Variants in RGS6 observed in about 807,000 individuals in gnomAD.
RGS6 encodes the protein regulator of G protein signaling 6, also known as regulator of G-protein signaling 6.
RGS6 carries 30 observed loss-of-function variants against 78.5 expected under a neutral mutation model. That is an observed-to-expected ratio of 0.38 (90% CI 0.29 to 0.52). The LOEUF is 0.52. RGS6 is among the 20% of genes least tolerant of loss of function. The probability of loss-of-function intolerance (pLI) is 0.85; values close to 1 mark genes in which losing one functional copy is unlikely to be tolerated. For synonymous variants in RGS6, 206 were observed against 206.0 expected (o/e 1.00, Z 0.00); for missense variants, 495 against 609.7 (o/e 0.81, Z 1.98).
rs547820668 is a variant in RGS6, at chr14:72,319,373, G to A, written c.85-32722G>A. On this transcript the variant is annotated intron_variant, in intron 2 of 17. Transcript: ENST00000553525. ...AAATTTTTTTTTTTTTTTTTGAGAC[G>A]GAGTCTCGCCCTGTTGCCCAGGCTG... Among the ~76,000 whole-genome samples, 20 of 147,722 alleles carry A rather than the reference G, an allele frequency of 1.4e-4. No homozygotes were observed. In the South Asian group the frequency reaches 3.2e-3, roughly 24 times the overall value.
chr14:72,374,254 G>A (rs1343083499), intron 3 of RGS6, among the ~76,000 whole-genome samples: 2 of 145,496 alleles, frequency 1.4e-5, no homozygotes, highest in African/African-American at 5.1e-5. Context: ...CCCACCCCAC[G>A]ACAGGCCGTG....
At position 72,301,257 on chromosome 14, in the gene RGS6, T is replaced by C. The variant is rs144046246; in HGVS notation, c.85-50838T>C. Among the ~76,000 whole-genome samples, 5 of 152,320 alleles carry C rather than the reference T, an allele frequency of 3.3e-5. No individual in the cohort carries two copies. In the East Asian group the frequency reaches 7.7e-4, roughly 24 times the overall value. On this transcript the variant is annotated intron_variant, in intron 2 of 17. Transcript: ENST00000553525. Reference sequence around the variant, plus strand: ...AATGTAAATAAATGGGAACTTTTGATTTATTTGTCATGTACTCAGATTGAT... The same window carrying C: ...AATGTAAATAAATGGGAACTTTTGACTTATTTGTCATGTACTCAGATTGAT...
intron 3 of RGS6, among the ~76,000 whole-genome samples, chr14:72,408,046 G>C (rs1566761718): frequency 6.6e-6 from 1 of 152,142 alleles, no homozygotes; most frequent in Non-Finnish European, 1.5e-5. Flanking sequence ...TGAAGGATAT[G>C]CTCCCAAAAA....
intron 13 of RGS6, among the ~76,000 whole-genome samples, chr14:72,503,532 C>T (rs2096756706): frequency 6.6e-6 from 1 of 151,804 alleles, no homozygotes. Context: ...TTCCAAACTA[C>T]AATGGTGGGA....
the RGS6 span, among the ~76,000 whole-genome samples, chr14:72,583,390 G>C: frequency 6.6e-6 from 1 of 152,250 alleles, no homozygotes. Context: ...ATGATAGACG[G>C]ATGACAGATC....
chr14:72,565,536 C>G lies in RGS6; in HGVS notation c.*3069C>G, dbSNP rs1051445538. The G allele has an allele frequency of 6.6e-6, 1 of 152,180 alleles. No individual in the cohort carries two copies. Among genetic ancestry groups the G allele is most frequent in the Non-Finnish European group, 1.5e-5 (1 of 68,046 alleles). 9.4% of individuals were successfully genotyped at this position (152,180 alleles called of 1,614,324 possible). Reference sequence around the variant, plus strand: ...CTATACCCCAGGAACAAAGCAGGGCCCAACTGCCAGTGCAGTCAGCTGGGC... The same window carrying G: ...CTATACCCCAGGAACAAAGCAGGGCGCAACTGCCAGTGCAGTCAGCTGGGC... On this transcript the variant is annotated 3_prime_UTR_variant, in exon 18 of 18. Coordinates refer to ENST00000553525, the MANE Select transcript of RGS6 (RefSeq NM_001204424.2).
At chr14:72,197,637 A>G (rs1205707818) in intron 2 of RGS6, among the ~76,000 whole-genome samples, 3 of 152,234 alleles carry the variant, frequency 2.0e-5, no homozygotes, top group African/African-American at 4.8e-5. Context: ...GGAATCAGTA[A>G]TTATTTAAAA....
chr14:71,914,948 GAGA>G, the RGS6 span, among the ~76,000 whole-genome samples: 1 of 151,858 alleles, frequency 6.6e-6, no homozygotes, highest in South Asian at 2.1e-4. Flanking sequence ...CGTTCATCTG[GAGA>G]AGACTTCAAG....
chr14:72,044,636 C>T (rs1211198590), intron 2 of RGS6, among the ~76,000 whole-genome samples: 6 of 152,064 alleles, frequency 3.9e-5, no homozygotes, highest in South Asian at 2.1e-4. Flanking sequence ...TTTGGGAGGC[C>T]GAGGCAGGCG....
At chr14:72,279,187 C>A (rs2079499) in intron 2 of RGS6, among the ~76,000 whole-genome samples, 37,581 of 151,576 alleles carry the variant, frequency 0.25, 5,409 homozygotes, top group African/African-American at 0.42. Context: ...CTGGAACCTA[C>A]AAGCAGAAGT....
chr14:72,469,196 C>T (rs903313492), intron 7 of RGS6, among the ~76,000 whole-genome samples: 2 of 145,800 alleles, frequency 1.4e-5, no homozygotes, highest in East Asian at 2.0e-4. Context: ...GTAGACACTC[C>T]GTTTGGGGCA....
intron 2 of RGS6, among the ~76,000 whole-genome samples, chr14:72,083,358 G>A (rs2094901298): frequency 6.6e-6 from 1 of 152,158 alleles, no homozygotes; most frequent in Non-Finnish European, 1.5e-5. Context: ...AGTGGGTAGA[G>A]GCCACAGACA....
chr14:71,900,444 C>A, the RGS6 span, among the ~76,000 whole-genome samples: 1 of 152,180 alleles, frequency 6.6e-6, no homozygotes, highest in African/African-American at 2.4e-5. Context: ...TCCGTGAAAT[C>A]AATTCATCTT....
intron 2 of RGS6, among the ~76,000 whole-genome samples, chr14:72,052,967 TTCTTTCTTTCTTTCTTTCTCTCTCTC>T (rs1435035215): frequency 1.1e-3 from 51 of 45,490 alleles, no homozygotes; most frequent in African/African-American, 6.5e-3. Context: ...CTTTCTTTCT[TTCTTTCTTTCTTTCTTTCTCTCTCTC>T]TCTCTCTCTC....
chr14:72,345,424 A>G (rs1042186921), intron 2 of RGS6, among the ~76,000 whole-genome samples: 5 of 152,360 alleles, frequency 3.3e-5, no homozygotes, highest in South Asian at 2.1e-4. Flanking sequence ...AAACAAATTA[A>G]TAGGCATTTT....
intron 2 of RGS6, among the ~76,000 whole-genome samples, chr14:72,322,205 G>GCTAT (rs2152520177): frequency 6.6e-6 from 1 of 152,050 alleles, no homozygotes; most frequent in African/African-American, 2.4e-5. Flanking sequence ...ATATAAGGTA[G>GCTAT]CTATGATAAT....
the RGS6 span, among the ~76,000 whole-genome samples, chr14:72,604,200 C>G: frequency 6.6e-6 from 1 of 152,144 alleles, no homozygotes; most frequent in Non-Finnish European, 1.5e-5. Flanking sequence ...AGAGTTTGCC[C>G]TAGATCTGAG....
chr14:72,413,373 A>G (rs537890604), intron 3 of RGS6, among the ~76,000 whole-genome samples: 1 of 147,180 alleles, frequency 6.8e-6, no homozygotes, highest in African/African-American at 2.6e-5. Context: ...CTGTTTTATC[A>G]GAGACTAGGA....
At chr14:72,158,875 G>A (rs1338380707) in intron 2 of RGS6, among the ~76,000 whole-genome samples, 1 of 150,808 alleles carries the variant, frequency 6.6e-6, no homozygotes, top group African/African-American at 2.4e-5. Flanking sequence ...CTTTCTGCCT[G>A]GGTTGAAATC....
Sources: allele counts gnomAD v4.1 joint callset (sites outside exome capture counted in the v4.1 genomes callset), GRCh38; gene constraint gnomAD v4.1.1; transcripts MANE v1.5; gene names NCBI Gene and HGNC (gene_info 2026-07-23, HGNC 2026-07-21).